Variants in ACOT11 observed in about 807,000 individuals in gnomAD.
The protein encoded by ACOT11 is acyl-CoA thioesterase 11, also known as acyl-coenzyme A thioesterase 11.
ACOT11 carries 69 observed loss-of-function variants against 77.5 expected under a neutral mutation model. The ratio of observed to expected loss-of-function variants is 0.89; its 90% CI spans 0.73 to 1.09. The LOEUF is 1.09. Among genes scored for constraint, ACOT11 ranks in the 50% least tolerant of loss-of-function variants. ACOT11 has a pLI of 0.00. For missense variants in ACOT11, 766 were observed against 813.7 expected, an observed-to-expected ratio of 0.94 and a Z score of 0.71; for synonymous variants, 279 against 313.0, an observed-to-expected ratio of 0.89 and a Z score of 1.15.
intron 15 of ACOT11, among the ~76,000 whole-genome samples, chr1:54,621,196 C>T (rs1370623054): frequency 6.6e-6 from 1 of 151,426 alleles, no homozygotes; most frequent in Non-Finnish European, 1.5e-5. Flanking sequence ...GCGGCTGACG[C>T]CTGTAATCCC....
At chr1:54,586,763 T>G (rs1393166303) in intron 3 of ACOT11, among the ~76,000 whole-genome samples, 2 of 152,094 alleles carry the variant, frequency 1.3e-5, no homozygotes, top group African/African-American at 4.8e-5. Flanking sequence ...TTTTAATGGC[T>G]GTACAGAATA....
intron 1 of ACOT11, among the ~76,000 whole-genome samples, chr1:54,580,611 G>C (rs747534577): frequency 5.3e-5 from 8 of 152,150 alleles, no homozygotes; most frequent in Non-Finnish European, 1.2e-4. Context: ...TCCTCCCACT[G>C]TGAGTCTCAG....
chr1:54,596,465 A>G (rs1472727184), intron 6 of ACOT11, among the ~76,000 whole-genome samples: 1 of 152,218 alleles, frequency 6.6e-6, no homozygotes, highest in East Asian at 1.9e-4. Flanking sequence ...GGCCTCTCCT[A>G]CTAAGGATAT....
chr1:54,551,193 G>T (rs1325082759), intron 1 of ACOT11, among the ~76,000 whole-genome samples: 2 of 150,418 alleles, frequency 1.3e-5, no homozygotes, highest in Non-Finnish European at 3.0e-5. Flanking sequence ...TCACCAAATT[G>T]TCTTTAATAG....
At chr1:54,559,608 C>A (rs936781213) in intron 1 of ACOT11, among the ~76,000 whole-genome samples, 7 of 149,520 alleles carry the variant, frequency 4.7e-5, no homozygotes, top group Admixed American at 4.7e-4. Context: ...TTTTTTTTTC[C>A]ATCTCATGTG....
intron 15 of ACOT11, among the ~76,000 whole-genome samples, chr1:54,622,580 C>A (rs560136361): frequency 2.2e-4 from 33 of 150,264 alleles, no homozygotes; most frequent in East Asian, 9.8e-4. Flanking sequence ...AAAAAAAAAA[C>A]CACAAAAAAT....
chr1:54,570,143 A>G (rs1270971417), intron 1 of ACOT11, among the ~76,000 whole-genome samples: 2 of 152,020 alleles, frequency 1.3e-5, no homozygotes, highest in Non-Finnish European at 2.9e-5. Flanking sequence ...CATTTCCCTC[A>G]TGAGGTGTCT....
At chr1:54,562,548 CA>C (rs770496795) in intron 1 of ACOT11, among the ~76,000 whole-genome samples, 20,658 of 96,284 alleles carry the variant, frequency 0.21, 3,584 homozygotes, top group African/African-American at 0.4. Context: ...GGGGCTGACC[CA>C]CCCCCCACCT....
rs141021821 is a variant in ACOT11, at chr1:54,631,569, T to C, written c.1782+683T>C. 6.8e-3 allele frequency among the ~76,000 whole-genome samples: 1,028 copies of C among 152,292 alleles called. 8 individuals are homozygous for C. The highest frequency in any genetic ancestry group is 0.011 in the Non-Finnish European group (724 of 68,028). ...ATGCCCAGGTCCAACCTCAAATTAATAGGACTGCAGACCAACTTTCGGGGG... is the reference window on the plus strand; with the variant it reads ...ATGCCCAGGTCCAACCTCAAATTAACAGGACTGCAGACCAACTTTCGGGGG... On this transcript the variant is annotated intron_variant, in intron 16 of 16. Transcript: ENST00000371316.
intron 1 of ACOT11, among the ~76,000 whole-genome samples, chr1:54,549,287 A>G (rs1338547650): frequency 6.6e-6 from 1 of 152,138 alleles, no homozygotes; most frequent in Non-Finnish European, 1.5e-5. Context: ...TGATTTTCAC[A>G]TCCCTTACTT....
At chr1:54,616,013 C>A in intron 15 of ACOT11, 2 of 1,613,184 alleles carry the variant, frequency 1.2e-6, no homozygotes, top group Non-Finnish European at 1.7e-6. Flanking sequence ...TCCAGAGAGG[C>A]CCTTACCCTT....
rs369218528 is a variant in ACOT11 at position 54,609,952 on chromosome 1, C to G, written c.*840C>G. On this transcript the variant is annotated 3_prime_UTR_variant, in exon 16 of 16. Coordinates refer to ENST00000343744, the MANE Select transcript of ACOT11 (RefSeq NM_147161.4). Reference sequence around the variant, plus strand: ...TCATGCCTTCTGTGTCTGGAAGAGGCGGCAGAGGCAACAGTGTTTAGGATT... The same window carrying G: ...TCATGCCTTCTGTGTCTGGAAGAGGGGGCAGAGGCAACAGTGTTTAGGATT... The G allele has an allele frequency of 6.3e-7, 1 of 1,596,840 alleles. No individual in the cohort carries two copies. Among genetic ancestry groups the G allele is most frequent in the Admixed American group, 1.7e-5 (1 of 59,768 alleles).
chr1:54,581,418 G>A (rs1260725987), intron 1 of ACOT11, among the ~76,000 whole-genome samples: 1 of 152,154 alleles, frequency 6.6e-6, no homozygotes, highest in Admixed American at 6.5e-5. Flanking sequence ...CCCGCAGCTG[G>A]GTGGCCCTGG....
At chr1:54,624,538 CAA>C (rs972889114) in intron 15 of ACOT11, among the ~76,000 whole-genome samples, 3 of 151,996 alleles carry the variant, frequency 2.0e-5, no homozygotes, top group Non-Finnish European at 4.4e-5. Context: ...CTGGCCAAAG[CAA>C]AGAGAGAAAG....
chr1:54,560,225 G>A (rs1468426028), intron 1 of ACOT11, among the ~76,000 whole-genome samples: 1 of 152,170 alleles, frequency 6.6e-6, no homozygotes, highest in African/African-American at 2.4e-5. Context: ...TGTGACAGAG[G>A]GAAGCACCAA....
chr1:54,605,259 A>T, intron 13 of ACOT11, 50 bp downstream of exon 13: 1 of 1,579,918 alleles, frequency 6.3e-7, no homozygotes, highest in African/African-American at 1.3e-5. Context: ...CGGCCTGATG[A>T]GGGAGAGAGT....
At chr1:54,601,449 C>T (rs1643962317) in intron 9 of ACOT11, 36 bp downstream of exon 9, 1 of 1,597,700 alleles carries the variant, frequency 6.3e-7, no homozygotes, top group Non-Finnish European at 8.5e-7. Context: ...ACCAGCAGCT[C>T]CCCTCCCCTC....
At chr1:54,621,091 C>CA (rs1644225831) in intron 15 of ACOT11, among the ~76,000 whole-genome samples, 1 of 150,540 alleles carries the variant, frequency 6.6e-6, no homozygotes, top group Non-Finnish European at 1.5e-5. Flanking sequence ...ACCTGGGAGA[C>CA]AGAGGTTGCA....
At chr1:54,630,394 C>T (rs1232218416) in intron 15 of ACOT11, among the ~76,000 whole-genome samples, 1 of 152,156 alleles carries the variant, frequency 6.6e-6, no homozygotes, top group African/African-American at 2.4e-5. Context: ...AATGCCCACG[C>T]TGGAAGGTTG....
Sources: gnomAD v4.1 joint callset for allele counts (sites outside exome capture counted in the v4.1 genomes callset) on GRCh38, gnomAD v4.1.1 for gene constraint, MANE v1.5 for transcripts, NCBI Gene and HGNC (gene_info 2026-07-23, HGNC 2026-07-21) for gene names.